Variants in ARHGAP6 observed in about 807,000 individuals in gnomAD.
ARHGAP6 encodes Rho GTPase activating protein 6, also known as rho GTPase-activating protein 6.
Under a neutral mutation model 55.7 loss-of-function variants are expected in ARHGAP6, and 16 were observed. The ratio of observed to expected loss-of-function variants is 0.29; its 90% confidence interval spans 0.19 to 0.44. ARHGAP6 has a LOEUF of 0.44. Ranked by LOEUF, ARHGAP6 falls within the 20% of genes least tolerant of loss-of-function variation. The probability of loss-of-function intolerance (pLI) is 1.00; values close to 1 mark genes in which losing one functional copy is unlikely to be tolerated. For synonymous variants in ARHGAP6, 382 were observed against 360.9 expected, an observed-to-expected ratio of 1.06 and a Z score of -0.66; for missense variants, 698 against 808.9, an observed-to-expected ratio of 0.86 and a Z score of 1.66.
chrX:11,472,504 G>A (rs996763898), intron 1 of ARHGAP6, among the ~76,000 whole-genome samples: 5 of 111,524 alleles, frequency 4.5e-5, no homozygotes, highest in Admixed American at 9.5e-5. Flanking sequence ...AACAGCGGGT[G>A]AAAAGTTCCT....
intron 1 of ARHGAP6, among the ~76,000 whole-genome samples, chrX:11,515,870 A>G (rs1304510858): frequency 8.9e-6 from 1 of 112,979 alleles, no homozygotes; most frequent in Non-Finnish European, 1.9e-5. Flanking sequence ...CAAAAAGTGA[A>G]GACTAAATTA....
chrX:11,407,152 A>T (rs1211562453), intron 1 of ARHGAP6, among the ~76,000 whole-genome samples: 2 of 111,185 alleles, frequency 1.8e-5, no homozygotes, highest in Admixed American at 1.9e-4. Context: ...TCTGCATTTT[A>T]TCCCACCCCC....
At chrX:11,580,737 G>A (rs1261016822) in intron 1 of ARHGAP6, among the ~76,000 whole-genome samples, 1 of 112,089 alleles carries the variant, frequency 8.9e-6, no homozygotes, top group African/African-American at 3.2e-5. Flanking sequence ...CTTTAAAACA[G>A]TGAGAATATA....
intron 1 of ARHGAP6, among the ~76,000 whole-genome samples, chrX:11,517,615 G>C (rs1342762527): frequency 9.0e-6 from 1 of 111,418 alleles, no homozygotes; most frequent in Non-Finnish European, 1.9e-5. Context: ...TCATCAAGCA[G>C]TATGATATTG....
At chrX:11,366,884 T>A (rs978212216) in intron 1 of ARHGAP6, among the ~76,000 whole-genome samples, 2 of 111,730 alleles carry the variant, frequency 1.8e-5, no homozygotes, top group Non-Finnish European at 3.8e-5. Flanking sequence ...ACAGAATTGA[T>A]AAAAGGGTGA....
intron 1 of ARHGAP6, among the ~76,000 whole-genome samples, chrX:11,568,560 C>A (rs1370848364): frequency 9.0e-6 from 1 of 111,267 alleles, no homozygotes; most frequent in Non-Finnish European, 1.9e-5. Flanking sequence ...AGTTCGAAAC[C>A]AGCCTGGCCA....
intron 1 of ARHGAP6, among the ~76,000 whole-genome samples, chrX:11,408,904 CACAT>C (rs2049644417): frequency 9.1e-6 from 1 of 109,830 alleles, no homozygotes; most frequent in South Asian, 3.9e-4. Flanking sequence ...CACACACACA[CACAT>C]ACACACACAC....
chrX:11,507,249 T>C (rs1424718522), intron 1 of ARHGAP6, among the ~76,000 whole-genome samples: 1 of 109,865 alleles, frequency 9.1e-6, no homozygotes, highest in East Asian at 2.9e-4. Flanking sequence ...AGGGCGGTTA[T>C]TGGCTCTTTG....
intron 1 of ARHGAP6, among the ~76,000 whole-genome samples, chrX:11,659,424 G>T (rs547565145): frequency 9.3e-6 from 1 of 107,718 alleles, no homozygotes; most frequent in African/African-American, 3.3e-5. Flanking sequence ...TATTCCTTGT[G>T]GGGCTGTGCA....
chrX:11,175,830 C>T (rs2046205077), intron 8 of ARHGAP6, among the ~76,000 whole-genome samples: 1 of 107,963 alleles, frequency 9.3e-6, no homozygotes, highest in African/African-American at 3.3e-5. Flanking sequence ...TGTGCAGAGG[C>T]TGAGAAACCA....
At chrX:11,419,338 C>T (rs1035528731) in intron 1 of ARHGAP6, among the ~76,000 whole-genome samples, 3 of 111,909 alleles carry the variant, frequency 2.7e-5, no homozygotes, top group South Asian at 3.8e-4. Context: ...GGATCCTGAT[C>T]GACACAAAGC....
At chrX:11,660,468 A>G (rs2052684028) in intron 1 of ARHGAP6, among the ~76,000 whole-genome samples, 1 of 90,835 alleles carries the variant, frequency 1.1e-5, no homozygotes, top group Non-Finnish European at 2.1e-5. Flanking sequence ...GGGAGGTTGC[A>G]TTGAGCTGAG....
At chrX:11,426,953 G>T (rs937789733) in intron 1 of ARHGAP6, among the ~76,000 whole-genome samples, 2 of 110,165 alleles carry the variant, frequency 1.8e-5, no homozygotes, top group Non-Finnish European at 3.8e-5. Context: ...CACCATAAGG[G>T]AGGGGGAAGG....
chrX:11,332,712 G>A (rs1366059363), intron 1 of ARHGAP6, among the ~76,000 whole-genome samples: 3 of 112,254 alleles, frequency 2.7e-5, no homozygotes, highest in Non-Finnish European at 5.6e-5. Context: ...CATGACTATA[G>A]TATAATGTCA....
chrX:11,472,016 A>G (rs1315512909), intron 1 of ARHGAP6, among the ~76,000 whole-genome samples: 1 of 112,422 alleles, frequency 8.9e-6, no homozygotes, highest in African/African-American at 3.2e-5. Context: ...CGAACAAGAC[A>G]CATACCAGTT....
chrX:11,144,754 G>A (rs2045666844), intron 10 of ARHGAP6, among the ~76,000 whole-genome samples: 1 of 112,388 alleles, frequency 8.9e-6, no homozygotes, highest in Admixed American at 9.4e-5. Context: ...AATACTTACT[G>A]TACTTAGTGT....
chrX:11,488,552 C>G (rs2050534260), intron 1 of ARHGAP6, among the ~76,000 whole-genome samples: 1 of 110,752 alleles, frequency 9.0e-6, no homozygotes, highest in African/African-American at 3.3e-5. Context: ...TACCCAACTC[C>G]TGGGCTGCAG....
chrX:11,218,962 G>A (rs2046921622), intron 2 of ARHGAP6, among the ~76,000 whole-genome samples: 1 of 106,237 alleles, frequency 9.4e-6, no homozygotes, highest in Non-Finnish European at 1.9e-5. Flanking sequence ...ATGTATACAT[G>A]TGCCATGCTG....
At position 11,664,534 on chromosome X, in the gene ARHGAP6, G is replaced by A. The variant is rs376163184; in HGVS notation, c.295C>T (p.Leu99Phe). The change falls in exon 1 of 13, where the codon CTT becomes TTT. Residue 99 changes from leucine (L) to phenylalanine (F), a missense_variant. By Grantham distance (22) the Leu-to-Phe change is conservative. Coordinates refer to ENST00000337414, the MANE Select transcript of ARHGAP6 (RefSeq NM_013427.3). ...RATRLPPPGP[L>F]CSSFSTPSTP... The stretch of plus-strand genomic sequence containing the variant: ...CTGGGTGTGGAGAAGGACGAGCAAA[G>A]AGGTCCAGGAGGCGGTAGCCTGGTG... The A allele has an allele frequency of 4.5e-5, 54 of 1,199,226 alleles. 1 individual carries two copies. In the African/African-American group the frequency reaches 9.2e-4, roughly 20 times the overall value.
Sources: gnomAD v4.1 joint callset for allele counts (sites outside exome capture counted in the v4.1 genomes callset) on GRCh38, gnomAD v4.1.1 for gene constraint, MANE v1.5 for transcripts, NCBI Gene and HGNC (gene_info 2026-07-23, HGNC 2026-07-21) for gene names.